The following UBE2V1 variants were observed in gnomAD, a reference collection of about 807,000 sequenced individuals.
UBE2V1 encodes ubiquitin-conjugating enzyme E2 variant 1.
Under a neutral mutation model 19.6 loss-of-function variants are expected in UBE2V1, and 15 were observed. The ratio of observed to expected loss-of-function variants is 0.77; its 90% CI spans 0.51 to 1.18. The LOEUF is 1.18. Among genes scored for constraint, UBE2V1 ranks in the 50% most tolerant of loss-of-function variants. The probability of loss-of-function intolerance (pLI) is 0.00; values close to 1 mark genes in which losing one functional copy is unlikely to be tolerated. For synonymous variants in UBE2V1, 60 were observed against 60.7 expected, an observed-to-expected ratio of 0.99 and a Z score of 0.05; for missense variants, 125 against 184.8, an observed-to-expected ratio of 0.68 and a Z score of 1.88.
chr20:50,087,210 A>G (rs2146979442), intron 2 of UBE2V1, among the ~76,000 whole-genome samples: 1 of 152,302 alleles, frequency 6.6e-6, no homozygotes, highest in Non-Finnish European at 1.5e-5. Flanking sequence ...CATCTGGCCA[A>G]CATGATGAAA....
chr20:50,099,170 C>A (rs755575692), intron 1 of UBE2V1, among the ~76,000 whole-genome samples: 1 of 152,022 alleles, frequency 6.6e-6, no homozygotes, highest in Non-Finnish European at 1.5e-5. Context: ...GATAGGAAGG[C>A]TGATGACTGA....
intron 1 of UBE2V1, among the ~76,000 whole-genome samples, chr20:50,098,291 C>T (rs1370479438): frequency 6.6e-6 from 1 of 152,120 alleles, no homozygotes. Flanking sequence ...GCCAATTTAG[C>T]TCAAACCAAG....
chr20:50,099,475 A>C (rs147246051), intron 1 of UBE2V1, among the ~76,000 whole-genome samples: 2 of 152,364 alleles, frequency 1.3e-5, no homozygotes, highest in African/African-American at 4.8e-5. Flanking sequence ...ATCTCTGGGT[A>C]AAAGAATTAT....
At chr20:50,092,856 C>T (rs1040022798) in intron 2 of UBE2V1, among the ~76,000 whole-genome samples, 3 of 152,132 alleles carry the variant, frequency 2.0e-5, no homozygotes, top group African/African-American at 7.2e-5. Context: ...GTTTCCTTTC[C>T]ACTCCAGCCC....
intron 2 of UBE2V1, among the ~76,000 whole-genome samples, chr20:50,089,092 T>C (rs1203865329): frequency 6.6e-6 from 1 of 152,126 alleles, no homozygotes; most frequent in Non-Finnish European, 1.5e-5. Flanking sequence ...TATAAGACAT[T>C]GCTTAAACAG....
chr20:50,085,569 C>G (rs1041496714), intron 2 of UBE2V1, among the ~76,000 whole-genome samples: 3 of 152,184 alleles, frequency 2.0e-5, no homozygotes, highest in African/African-American at 7.2e-5. Flanking sequence ...AGTACCCTCT[C>G]CGGCATCCGT....
intron 1 of UBE2V1, among the ~76,000 whole-genome samples, chr20:50,097,705 T>C (rs1466886035): frequency 6.6e-6 from 1 of 152,150 alleles, no homozygotes; most frequent in East Asian, 1.9e-4. Flanking sequence ...ATGCACTATT[T>C]TCTCTGGAAA....
At chr20:50,087,887 C>T (rs970236987) in intron 2 of UBE2V1, among the ~76,000 whole-genome samples, 2 of 152,044 alleles carry the variant, frequency 1.3e-5, no homozygotes, top group African/African-American at 2.4e-5. Context: ...CACACACATA[C>T]GAAAGACTGG....
At chr20:50,098,193 A>C (rs909280053) in intron 1 of UBE2V1, among the ~76,000 whole-genome samples, 11 of 152,222 alleles carry the variant, frequency 7.2e-5, no homozygotes, top group African/African-American at 2.7e-4. Flanking sequence ...ATTTATGGAT[A>C]GCTGAGGAGA....
At chr20:50,091,139 T>C (rs2079195370) in intron 2 of UBE2V1, among the ~76,000 whole-genome samples, 1 of 152,076 alleles carries the variant, frequency 6.6e-6, no homozygotes. Flanking sequence ...CTCTGCCTCC[T>C]GGGTTCAAGC....
chr20:50,084,365 C>CAG, intron 2 of UBE2V1, 111 bp from the exon 3 acceptor site: 1 of 1,586,008 alleles, frequency 6.3e-7, no homozygotes, highest in Non-Finnish European at 8.6e-7. Context: ...CATCTGCTTC[C>CAG]AGCATGGAGT....
At chr20:50,114,100 A>G (rs2080936465), upstream of UBE2V1, among the ~76,000 whole-genome samples, 1 of 152,138 alleles carries the variant, frequency 6.6e-6, no homozygotes. Flanking sequence ...CTTGGGAAAT[A>G]TTTTTGCAAA....
intron 1 of UBE2V1, chr20:50,111,672 T>A: frequency 1.2e-6 from 1 of 804,492 alleles, no homozygotes; most frequent in Non-Finnish European, 1.5e-6. Flanking sequence ...TTCAGTCAGA[T>A]CCCCCACATT....
chr20:50,098,949 T>C lies in UBE2V1; in HGVS notation c.23-2129A>G, dbSNP rs184720670. ...AGCAGCCAACTGGATTATTCAGCTA[T>C]ACTGGATTAAGTCTCCTGTAGCAAA... On this transcript the variant is annotated intron_variant, in intron 1 of 3. Coordinates refer to ENST00000371674, the MANE Select transcript of UBE2V1 (RefSeq NM_001032288.3). The C allele has an allele frequency of 2.5e-5, 25 of 985,456 alleles. No homozygotes were observed. In the African/African-American group the frequency reaches 3.5e-4, roughly 14 times the overall value. 61.0% of individuals were successfully genotyped at this position (985,456 alleles called of 1,614,324 possible).
At chr20:50,090,206 T>C (rs2079141625) in intron 2 of UBE2V1, among the ~76,000 whole-genome samples, 2 of 152,214 alleles carry the variant, frequency 1.3e-5, no homozygotes, top group Non-Finnish European at 1.5e-5. Context: ...TAGTATTGGG[T>C]ATCAATCCAA....
chr20:50,098,640 T>G (rs1398342862), intron 1 of UBE2V1, among the ~76,000 whole-genome samples: 1 of 151,950 alleles, frequency 6.6e-6, no homozygotes, highest in Non-Finnish European at 1.5e-5. Flanking sequence ...AAGGACAGAG[T>G]TGGTAGTGGT....
At chr20:50,084,032 A>G in intron 3 of UBE2V1, 97 bp downstream of exon 3, 1 of 1,504,320 alleles carries the variant, frequency 6.6e-7, no homozygotes, top group Admixed American at 2.3e-5. Context: ...AAATAACCAA[A>G]GAACCTAGGA....
chr20:50,106,844 A>AAACAACAAC (rs943087739), intron 1 of UBE2V1, among the ~76,000 whole-genome samples: 1 of 131,674 alleles, frequency 7.6e-6, no homozygotes, highest in African/African-American at 3.0e-5. Flanking sequence ...TCAAAACCAA[A>AAACAACAAC]AACAACAACA....
In UBE2V1 at chr20:50,088,424, C is replaced by T. The variant is rs890303896; in HGVS notation, c.172-4170G>A. 2.6e-5 allele frequency among the ~76,000 whole-genome samples: 4 copies of T among 152,258 alleles called. No individual in the cohort carries two copies. The East Asian group carries it at 7.7e-4, about 29-fold the overall frequency. ...TGCTAGCAACAGGGAAAAGGTAGCACAGGAAGTACTACCTTTGCAACTTTT... is the reference window on the plus strand; with the variant it reads ...TGCTAGCAACAGGGAAAAGGTAGCATAGGAAGTACTACCTTTGCAACTTTT... On this transcript the variant is annotated intron_variant, in intron 2 of 3. Coordinates refer to ENST00000371674, the MANE Select transcript of UBE2V1 (RefSeq NM_001032288.3).
Sources: gnomAD v4.1 joint callset for allele counts (sites outside exome capture counted in the v4.1 genomes callset) on GRCh38, gnomAD v4.1.1 for gene constraint, MANE v1.5 for transcripts, NCBI Gene and HGNC (gene_info 2026-07-23, HGNC 2026-07-21) for gene names.